The following EBF1 variants were observed in gnomAD, a reference collection of about 807,000 sequenced individuals.
EBF1 encodes transcription factor COE1.
In EBF1, 10 loss-of-function variants were observed where a neutral mutation model predicts 68.4. The ratio of observed to expected loss-of-function variants is 0.15; its 90% confidence interval spans 0.09 to 0.25. EBF1 has a LOEUF of 0.25. Ranked by LOEUF, EBF1 falls within the 10% of genes least tolerant of loss-of-function variation. EBF1 has a pLI of 1.00. For synonymous variants in EBF1, 298 were observed against 299.8 expected (o/e 0.99, Z 0.06); for missense variants, 509 against 794.4 (o/e 0.64, Z 4.32).
chr5:159,078,915 A>G (rs1779269694), intron 5 of EBF1, among the ~76,000 whole-genome samples: 1 of 152,170 alleles, frequency 6.6e-6, no homozygotes, highest in Admixed American at 6.5e-5. Context: ...AAATATTCCC[A>G]GTCATGGAAT....
chr5:158,994,166 A>G (rs1020162085), intron 6 of EBF1, among the ~76,000 whole-genome samples: 1 of 152,190 alleles, frequency 6.6e-6, no homozygotes, highest in African/African-American at 2.4e-5. Context: ...CATGAGCTAC[A>G]TCTCTATCCC....
intron 6 of EBF1, among the ~76,000 whole-genome samples, chr5:158,882,729 T>G (rs1562208512): frequency 6.6e-6 from 1 of 152,220 alleles, no homozygotes; most frequent in Non-Finnish European, 1.5e-5. Context: ...AAGATGGTAG[T>G]CTTTTAACAT....
intron 10 of EBF1, among the ~76,000 whole-genome samples, chr5:158,757,021 AC>A (rs1325686850): frequency 6.6e-6 from 1 of 151,772 alleles, no homozygotes; most frequent in African/African-American, 2.4e-5. Context: ...CATTCCAAAT[AC>A]CCCATCACCC....
At chr5:158,720,174 C>G (rs1761627951) in intron 11 of EBF1, among the ~76,000 whole-genome samples, 1 of 152,036 alleles carries the variant, frequency 6.6e-6, no homozygotes, top group Admixed American at 6.6e-5. Context: ...TCACTGCCTT[C>G]CTTCGTATAG....
chr5:158,698,821 T>TA lies in EBF1; in HGVS notation c.*289dup, dbSNP rs895114194. The TA allele has an allele frequency of 0.037, 9,409 of 254,778 alleles. 5 individuals are homozygous for TA. The highest frequency in any genetic ancestry group is 0.065 in the Middle Eastern group (56 of 856). 15.8% of individuals were successfully genotyped at this position (254,778 alleles called of 1,614,324 possible). On this transcript the variant is annotated 3_prime_UTR_variant, in exon 16 of 16. Coordinates refer to ENST00000313708, the MANE Select transcript of EBF1 (RefSeq NM_024007.5). ...AGACAAATGATTGCAGAATTAAGCT[T>TA]AAAAAAAAAAAAGAAAAAGAAAAAG... is the stretch of plus-strand genomic sequence containing the variant.
At position 158,960,432 on chromosome 5, in the gene EBF1, A is replaced by G. The variant is rs571947726; in HGVS notation, c.554+112964T>C. ...GTGAAGATTTATCTGACCCTAGAGT[A>G]AAGAAGACATTGTTAAGCACAAAGC... On this transcript the variant is annotated intron_variant, in intron 6 of 15. Transcript: ENST00000313708. Among the ~76,000 whole-genome samples, 16 of 152,322 alleles carry G rather than the reference A, an allele frequency of 1.1e-4. No individual in the cohort carries two copies. The South Asian group carries it at 3.1e-3, about 30-fold the overall frequency.
At chr5:158,765,397 GA>G (rs1292604299) in intron 10 of EBF1, among the ~76,000 whole-genome samples, 2 of 152,010 alleles carry the variant, frequency 1.3e-5, no homozygotes, top group Admixed American at 6.6e-5. Context: ...AACGTGTGTA[GA>G]ATGACTGGGA....
intron 6 of EBF1, among the ~76,000 whole-genome samples, chr5:158,981,176 A>G (rs527296052): frequency 1.9e-4 from 29 of 152,120 alleles, no homozygotes; most frequent in Non-Finnish European, 3.5e-4. Flanking sequence ...AAAACTGACT[A>G]TAATATCCTT....
intron 6 of EBF1, among the ~76,000 whole-genome samples, chr5:159,049,638 C>A (rs1773137317): frequency 6.6e-6 from 1 of 152,198 alleles, no homozygotes; most frequent in Non-Finnish European, 1.5e-5. Context: ...TGAGATCCAG[C>A]CCCAGCCCCA....
At chr5:158,949,673 T>C (rs1388749415) in intron 6 of EBF1, among the ~76,000 whole-genome samples, 1 of 152,214 alleles carries the variant, frequency 6.6e-6, no homozygotes, top group Non-Finnish European at 1.5e-5. Flanking sequence ...TTGGTTTAGA[T>C]GTCTATATCT....
intron 6 of EBF1, among the ~76,000 whole-genome samples, chr5:158,981,385 A>G (rs1757871939): frequency 6.6e-6 from 1 of 152,226 alleles, no homozygotes; most frequent in South Asian, 2.1e-4. Context: ...TAAAGTTATG[A>G]AAGTAGAAGC....
At chr5:158,816,549 A>C (rs1783778174) in intron 8 of EBF1, among the ~76,000 whole-genome samples, 1 of 152,200 alleles carries the variant, frequency 6.6e-6, no homozygotes, top group Admixed American at 6.5e-5. Context: ...TGGCTCAGGC[A>C]TTGCCCCTGG....
At chr5:158,811,958 T>A (rs1782751143) in intron 8 of EBF1, among the ~76,000 whole-genome samples, 1 of 152,190 alleles carries the variant, frequency 6.6e-6, no homozygotes, top group Admixed American at 6.6e-5. Context: ...CAGACTTGGC[T>A]GAGTCCCCCA....
At position 158,954,564 on chromosome 5, in the gene EBF1, T is replaced by G. The variant is rs540151847; in HGVS notation, c.555-114454A>C. Among the ~76,000 whole-genome samples, 4 of 152,354 alleles carry G rather than the reference T, an allele frequency of 2.6e-5. No individual in the cohort carries two copies. The East Asian group carries it at 5.8e-4, about 22-fold the overall frequency. ...AGGGTTTGGTATTGGTTACTTGTAT[T>G]GGCATTGGCTTCTAACCTAATGAGG... On this transcript the variant is annotated intron_variant, in intron 6 of 15. Transcript: ENST00000313708.
intron 6 of EBF1, among the ~76,000 whole-genome samples, chr5:158,947,944 TC>T (rs1583396268): frequency 6.6e-6 from 1 of 152,280 alleles, no homozygotes. Context: ...AAGCACTAGT[TC>T]TCTTGGTATT....
At position 158,704,273 on chromosome 5, in the gene EBF1, G is replaced by C. The variant is rs568631768; in HGVS notation, c.1744+3706C>G. On this transcript the variant is annotated intron_variant, in intron 15 of 15. Transcript: ENST00000313708. ...GACATGGCCGTGCTTAGTTCTTGGGGAATAAATATGCGTGTAGTAACCGGA... is the reference window on the plus strand; with the variant it reads ...GACATGGCCGTGCTTAGTTCTTGGGCAATAAATATGCGTGTAGTAACCGGA... Among the ~76,000 whole-genome samples, 8 of 152,322 alleles carry C rather than the reference G, an allele frequency of 5.3e-5. No homozygotes were observed. The East Asian group carries it at 1.5e-3, about 29-fold the overall frequency.
intron 6 of EBF1, among the ~76,000 whole-genome samples, chr5:159,071,509 C>A (rs1304334890): frequency 6.6e-6 from 1 of 152,158 alleles, no homozygotes; most frequent in Non-Finnish European, 1.5e-5. Context: ...AGATGCAAAG[C>A]GGCAACAATA....
At chr5:158,793,425 C>CACTACT (rs1488963780) in intron 9 of EBF1, among the ~76,000 whole-genome samples, 1 of 152,200 alleles carries the variant, frequency 6.6e-6, no homozygotes, top group East Asian at 1.9e-4. Flanking sequence ...CAACCATCAT[C>CACTACT]ACTACTACAA....
At chr5:158,904,644 C>T (rs1283420580) in intron 6 of EBF1, among the ~76,000 whole-genome samples, 3 of 152,078 alleles carry the variant, frequency 2.0e-5, no homozygotes, top group African/African-American at 2.4e-5. Flanking sequence ...TGACTTTTTT[C>T]GAAAGGTAAT....
Sources: allele counts gnomAD v4.1 joint callset (sites outside exome capture counted in the v4.1 genomes callset), GRCh38; gene constraint gnomAD v4.1.1; transcripts MANE v1.5; gene names NCBI Gene and HGNC (gene_info 2026-07-23, HGNC 2026-07-21).